Variants in ZFAND3 observed in about 807,000 individuals in gnomAD.
The protein encoded by ZFAND3 is zinc finger AN1-type containing 3.
In ZFAND3, 10 loss-of-function variants were observed where a neutral mutation model predicts 29.6. The ratio of observed to expected loss-of-function variants is 0.34; its 90% confidence interval spans 0.21 to 0.57. The LOEUF (loss-of-function observed/expected upper bound fraction) is 0.57, where lower values mean the gene tolerates loss of function less well. ZFAND3 is among the 20% of genes least tolerant of loss of function. ZFAND3 has a pLI of 0.86. For synonymous variants in ZFAND3, 128 were observed against 112.6 expected, an observed-to-expected ratio of 1.14 and a Z score of -0.87; for missense variants, 230 against 304.5, an observed-to-expected ratio of 0.76 and a Z score of 1.82.
intron 1 of ZFAND3, among the ~76,000 whole-genome samples, chr6:37,896,520 T>TTC (rs1346696171): frequency 9.6e-6 from 1 of 104,660 alleles, no homozygotes; most frequent in Non-Finnish European, 1.8e-5. Flanking sequence ...TTTCTTTTCT[T>TTC]TCTTTCTTTC....
At chr6:38,152,045 A>G (rs1278383637) in intron 5 of ZFAND3, among the ~76,000 whole-genome samples, 190 bp from the exon 6 acceptor site, 1 of 152,148 alleles carries the variant, frequency 6.6e-6, no homozygotes, top group Non-Finnish European at 1.5e-5. Flanking sequence ...GTGGAATGCA[A>G]AGTGCTGACC....
intron 2 of ZFAND3, among the ~76,000 whole-genome samples, chr6:38,008,679 C>T (rs959704898): frequency 2.6e-5 from 4 of 152,078 alleles, no homozygotes; most frequent in African/African-American, 9.7e-5. Flanking sequence ...TTCCCTTTGT[C>T]CCCACCCCAT....
chr6:38,016,269 A>G (rs561387553), intron 2 of ZFAND3, among the ~76,000 whole-genome samples: 4 of 152,342 alleles, frequency 2.6e-5, no homozygotes, highest in East Asian at 3.9e-4. Flanking sequence ...GTATGCTTCA[A>G]GTAATACCCA....
intron 1 of ZFAND3, among the ~76,000 whole-genome samples, chr6:37,898,521 A>G (rs974312449): frequency 6.6e-6 from 1 of 152,318 alleles, no homozygotes; most frequent in Non-Finnish European, 1.5e-5. Flanking sequence ...TTAGAGTCAG[A>G]CTGTCAATTT....
chr6:37,896,682 CTGTGTGTG>C (rs35744542), intron 1 of ZFAND3, among the ~76,000 whole-genome samples: 1 of 142,370 alleles, frequency 7.0e-6, no homozygotes, highest in Admixed American at 7.1e-5. Flanking sequence ...GTGTGTGTGT[CTGTGTGTG>C]TGTGTGTGTT....
At chr6:38,027,428 C>CT in intron 2 of ZFAND3, among the ~76,000 whole-genome samples, 1 of 152,212 alleles carries the variant, frequency 6.6e-6, no homozygotes, top group Admixed American at 6.5e-5. Flanking sequence ...TTACCTTTTC[C>CT]TTTTGTAGGT....
intron 1 of ZFAND3, among the ~76,000 whole-genome samples, 196 bp from the exon 2 acceptor site, chr6:37,929,763 G>GT (rs549276947): frequency 0.44 from 64,635 of 145,944 alleles, 14,355 homozygotes; most frequent in Non-Finnish European, 0.49. Context: ...TTATATTTTT[G>GT]TTTTTTTTTT....
chr6:37,892,605 A>C (rs1031018852), intron 1 of ZFAND3, among the ~76,000 whole-genome samples: 6 of 152,238 alleles, frequency 3.9e-5, no homozygotes, highest in Non-Finnish European at 8.8e-5. Flanking sequence ...AAGAACAAAA[A>C]TAAAGATTAG....
intron 4 of ZFAND3, among the ~76,000 whole-genome samples, chr6:38,082,702 A>G (rs1935059780): frequency 1.3e-5 from 2 of 152,160 alleles, no homozygotes; most frequent in South Asian, 4.1e-4. Context: ...CATAATTTCT[A>G]ATATCTGAAG....
intron 2 of ZFAND3, among the ~76,000 whole-genome samples, chr6:38,006,782 C>T (rs1003376768): frequency 2.0e-5 from 3 of 150,914 alleles, no homozygotes; most frequent in Admixed American, 6.6e-5. Context: ...TGCCTCATAT[C>T]GTGCGTCTAA....
intron 5 of ZFAND3, among the ~76,000 whole-genome samples, chr6:38,128,297 G>C (rs1765675790): frequency 6.6e-6 from 1 of 152,076 alleles, no homozygotes; most frequent in South Asian, 2.1e-4. Flanking sequence ...GGTACTCTTA[G>C]TCACCCTAAT....
intron 2 of ZFAND3, among the ~76,000 whole-genome samples, chr6:37,948,616 C>T (rs1166219671): frequency 2.0e-5 from 3 of 152,142 alleles, no homozygotes; most frequent in Non-Finnish European, 2.9e-5. Flanking sequence ...TCCTTCCATC[C>T]TCCACCCCTA....
chr6:38,036,089 G>A (rs546778025), intron 2 of ZFAND3, among the ~76,000 whole-genome samples: 1 of 152,106 alleles, frequency 6.6e-6, no homozygotes, highest in Non-Finnish European at 1.5e-5. Flanking sequence ...TGTTCTCCCT[G>A]GCTAAAGACA....
chr6:37,934,938 C>T (rs891258161), intron 2 of ZFAND3, among the ~76,000 whole-genome samples: 1 of 151,890 alleles, frequency 6.6e-6, no homozygotes, highest in Admixed American at 6.6e-5. Context: ...TTCTACCTTC[C>T]CCGTCAGTCC....
intron 1 of ZFAND3, among the ~76,000 whole-genome samples, chr6:37,828,896 C>T (rs1055987136): frequency 4.6e-5 from 7 of 152,052 alleles, no homozygotes; most frequent in South Asian, 4.2e-4. Context: ...GTGATCCGCC[C>T]GCCTCGGCCT....
chr6:37,931,419 C>A (rs1761592200), intron 2 of ZFAND3, among the ~76,000 whole-genome samples: 1 of 151,976 alleles, frequency 6.6e-6, no homozygotes, highest in South Asian at 2.1e-4. Flanking sequence ...GTGGTGTGCA[C>A]CTGTAGTCCC....
chr6:38,152,638 G>T lies in ZFAND3; in HGVS notation c.*249G>T, dbSNP rs899326854. Reference sequence around the variant, plus strand: ...AAAACATGAAGAATATTTTTTTTTTGAGCATGGCTAGTGGATTTAAAACAA... The same window carrying T: ...AAAACATGAAGAATATTTTTTTTTTTAGCATGGCTAGTGGATTTAAAACAA... On this transcript the variant is annotated 3_prime_UTR_variant, in exon 6 of 6. Coordinates refer to ENST00000287218, the MANE Select transcript of ZFAND3 (RefSeq NM_021943.3). 81 of 1,188,684 alleles carry T rather than the reference G, an allele frequency of 6.8e-5. No individual in the cohort carries two copies. Among genetic ancestry groups the T allele is most frequent in the Non-Finnish European group, 8.2e-5 (79 of 960,620 alleles). The allele number at this position is 1,188,684 out of a possible 1,614,324, so 73.6% of individuals were successfully genotyped here. A position where few individuals can be genotyped will look rare whatever the true frequency, so the allele number is the denominator to read the frequency against.
chr6:38,125,192 A>G (rs1462263618), intron 5 of ZFAND3, among the ~76,000 whole-genome samples: 2 of 152,320 alleles, frequency 1.3e-5, no homozygotes, highest in East Asian at 3.9e-4. Context: ...TTTTACCTAA[A>G]CATAAGTATG....
intron 1 of ZFAND3, among the ~76,000 whole-genome samples, chr6:37,823,995 C>T (rs752562030): frequency 2.0e-5 from 3 of 152,088 alleles, no homozygotes; most frequent in African/African-American, 4.8e-5. Context: ...AGACTGTTAT[C>T]GAACTCCCGA....
Sources: gnomAD v4.1 joint callset for allele counts (sites outside exome capture counted in the v4.1 genomes callset) on GRCh38, gnomAD v4.1.1 for gene constraint, MANE v1.5 for transcripts, NCBI Gene and HGNC (gene_info 2026-07-23, HGNC 2026-07-21) for gene names.